The following EXTL3 variants were observed in gnomAD, a reference collection of about 807,000 sequenced individuals.
EXTL3 encodes exostosin like glycosyltransferase 3.
In EXTL3, 27 loss-of-function variants were observed where a neutral mutation model predicts 69.3. The observed-to-expected ratio is 0.39, with a 90% CI of 0.29 to 0.54. EXTL3 has a LOEUF of 0.54. EXTL3 is among the 20% of genes least tolerant of loss of function. EXTL3 has a pLI of 0.69. For synonymous variants in EXTL3, 511 were observed against 499.4 expected (o/e 1.02, Z -0.31); for missense variants, 1,003 against 1,231.8 (o/e 0.81, Z 2.78).
intron 1 of EXTL3, among the ~76,000 whole-genome samples, chr8:28,680,329 G>A (rs1807464610): frequency 1.4e-5 from 2 of 143,570 alleles, no homozygotes; most frequent in South Asian, 4.4e-4. Flanking sequence ...GGTGGAGGTT[G>A]CAGTGAGCCA....
chr8:28,736,005 G>A (rs1427627257), intron 4 of EXTL3, among the ~76,000 whole-genome samples: 1 of 152,196 alleles, frequency 6.6e-6, no homozygotes, highest in African/African-American at 2.4e-5. Flanking sequence ...GAAGGTGGGA[G>A]TGGGGATTAG....
intron 1 of EXTL3, among the ~76,000 whole-genome samples, chr8:28,636,951 T>C (rs2083082): frequency 0.41 from 59,345 of 145,216 alleles, 14,039 homozygotes; most frequent in African/African-American, 0.68. Flanking sequence ...CATTGCACTC[T>C]AGCCTGGGCA....
At position 28,728,582 on chromosome 8, in the gene EXTL3, A is replaced by C. The variant is rs187324148; in HGVS notation, c.2149-2641A>C. 1.4e-3 allele frequency among the ~76,000 whole-genome samples: 214 copies of C among 152,284 alleles called. 2 individuals are homozygous for C. Among genetic ancestry groups the C allele is most frequent in the African/African-American group, 5.0e-3 (209 of 41,544 alleles). ...AGGACCTCCTCTGGGGCTGAGGTGA[A>C]GTCTTAAAGAAAGCTCTGGCCAAGA... On this transcript the variant is annotated intron_variant, in intron 3 of 6. Coordinates refer to ENST00000220562, the MANE Select transcript of EXTL3 (RefSeq NM_001440.4).
chr8:28,668,026 A>G (rs1807223760), intron 1 of EXTL3, among the ~76,000 whole-genome samples: 1 of 151,832 alleles, frequency 6.6e-6, no homozygotes, highest in African/African-American at 2.4e-5. Context: ...ACTTTGGGGG[A>G]TTGAGGTGGG....
rs561019607 is a variant in EXTL3, at chr8:28,692,734, C to T, written c.-52-20723C>T. On this transcript the variant is annotated intron_variant, in intron 1 of 6. Coordinates refer to the EXTL3 transcript ENST00000523149. ...GTTTTCAGTTGGAACGCCTTGTTCACACAAGGCATTTTTAAATGAAAGTAG... is the reference window on the plus strand; with the variant it reads ...GTTTTCAGTTGGAACGCCTTGTTCATACAAGGCATTTTTAAATGAAAGTAG... 2.6e-5 allele frequency among the ~76,000 whole-genome samples: 4 copies of T among 152,292 alleles called. No homozygotes were observed. In the East Asian group the frequency reaches 7.7e-4, roughly 29 times the overall value.
In EXTL3 at chr8:28,623,880, G is replaced by T. The variant is rs58343005; in HGVS notation, c.-53+1070G>T. On this transcript the variant is annotated intron_variant, in intron 1 of 6. Coordinates refer to the EXTL3 transcript ENST00000523149. This position sits in a 1 kb window ranked among gnomAD's most constrained non-coding sequence, Gnocchi z 4.2. ...AGGCAGCAGATGGGAAATCAGGCAA[G>T]CTTGGTTTTAAAACGTTTCTGCCTC... Among the ~76,000 whole-genome samples, 2,200 of 152,264 alleles carry T rather than the reference G, an allele frequency of 0.014. 62 individuals are homozygous for T. The highest frequency in any genetic ancestry group is 0.05 in the African/African-American group (2,077 of 41,528).
At chr8:28,737,036 C>G (rs1010442862) in intron 4 of EXTL3, among the ~76,000 whole-genome samples, 8 of 152,170 alleles carry the variant, frequency 5.3e-5, no homozygotes, top group Non-Finnish European at 1.0e-4. Context: ...GTCTCCAGCT[C>G]CTTGCTTCAA....
At chr8:28,698,813 G>A (rs1308601385), upstream of EXTL3, among the ~76,000 whole-genome samples, 1 of 152,200 alleles carries the variant, frequency 6.6e-6, no homozygotes, top group Non-Finnish European at 1.5e-5. Context: ...GGCCAACATG[G>A]TGAAACCCTG....
At chr8:28,722,039 G>T (rs767066792) in intron 3 of EXTL3, among the ~76,000 whole-genome samples, 1 of 152,194 alleles carries the variant, frequency 6.6e-6, no homozygotes, top group Non-Finnish European at 1.5e-5. Context: ...TTGACGCAGG[G>T]TGCCTTGGAA....
At chr8:28,612,214 A>G (rs919142025) in intron 2 of EXTL3, among the ~76,000 whole-genome samples, 1 of 152,160 alleles carries the variant, frequency 6.6e-6, no homozygotes, top group African/African-American at 2.4e-5. Flanking sequence ...AGCACTTTGG[A>G]AGGCTGAGGC....
rs4538826 is a variant in EXTL3, at chr8:28,754,060, G to A, written c.*3194G>A. 1.2e-4 allele frequency: 19 copies of A among 152,580 alleles called. No homozygotes were observed. Among genetic ancestry groups the A allele is most frequent in the South Asian group, 1.0e-3 (5 of 4,818 alleles). The allele number at this position is 152,580 out of a possible 1,614,324, so 9.5% of individuals were successfully genotyped here. On this transcript the variant is annotated 3_prime_UTR_variant, in exon 7 of 7. Coordinates refer to ENST00000220562, the MANE Select transcript of EXTL3 (RefSeq NM_001440.4). ...TGTGTGTGTGTGTGTGTGTGTGTGT[G>A]TAGTGGTTGTGGGGAGCTGTGTGTG...
rs1351573975 is a variant in EXTL3, at chr8:28,750,774, A to G, written c.2668A>G (p.Met890Val). 1.8e-5 allele frequency: 29 copies of G among 1,614,192 alleles called. No homozygotes were observed. Among genetic ancestry groups the G allele is most frequent in the Non-Finnish European group, 2.4e-5 (28 of 1,180,020 alleles). Reference sequence around the variant, plus strand: ...CTTCTTCGTGAAGGTGTACGGCTACATGCCCCTCCTGTACACGCAGTTCAG... The same window carrying G: ...CTTCTTCGTGAAGGTGTACGGCTACGTGCCCCTCCTGTACACGCAGTTCAG... The part of the protein sequence containing the change: ...INFFVKVYGY[M>V]PLLYTQFRVD... The change falls in exon 7 of 7, where the codon ATG becomes GTG. Residue 890 changes from methionine (M) to valine (V), a missense_variant. This residue lies in a region of EXTL3 where 261 missense variants were observed against 416.4 expected (regional missense o/e 0.63). Transcript: ENST00000220562. This position sits in a 1 kb window ranked among gnomAD's most constrained non-coding sequence, Gnocchi z 5.2.
rs1413741037 is a variant in EXTL3 at position 28,623,870 on chromosome 8, A to C, written c.-53+1060A>C. Among the ~76,000 whole-genome samples, 1 of 152,222 alleles carries C rather than the reference A, an allele frequency of 6.6e-6. No individual in the cohort carries two copies. The highest frequency in any genetic ancestry group is 1.5e-5 in the Non-Finnish European group (1 of 68,038). On this transcript the variant is annotated intron_variant, in intron 1 of 6. Coordinates refer to the EXTL3 transcript ENST00000523149. The surrounding 1 kb of genome is among the most constrained non-coding windows in gnomAD (Gnocchi z 4.2). ...TGCTCGTAAAAGGCAGCAGATGGGA[A>C]ATCAGGCAAGCTTGGTTTTAAAACG...
chr8:28,687,659 G>A (rs891812950), intron 1 of EXTL3, among the ~76,000 whole-genome samples: 5 of 152,294 alleles, frequency 3.3e-5, no homozygotes, highest in African/African-American at 9.6e-5. Flanking sequence ...TTTGGCTGCT[G>A]AAGTCTTAGA....
intron 1 of EXTL3, among the ~76,000 whole-genome samples, chr8:28,627,488 C>CA (rs35382851): frequency 0.015 from 1,361 of 92,768 alleles, 14 homozygotes; most frequent in African/African-American, 0.05. Flanking sequence ...GACCCTGTCT[C>CA]AAAAAAAAAA....
At chr8:28,737,999 T>G (rs1041366612) in intron 5 of EXTL3, among the ~76,000 whole-genome samples, 2 of 152,172 alleles carry the variant, frequency 1.3e-5, no homozygotes, top group Non-Finnish European at 2.9e-5. Context: ...ACCCTAGATA[T>G]GGCCCAGCCA....
chr8:28,681,960 G>A (rs1351935085), intron 1 of EXTL3, among the ~76,000 whole-genome samples: 1 of 152,244 alleles, frequency 6.6e-6, no homozygotes, highest in Non-Finnish European at 1.5e-5. Context: ...TCGGGAGGCT[G>A]AGGCAGGAGA....
chr8:28,610,380 G>A (rs1350061222), intron 2 of EXTL3, among the ~76,000 whole-genome samples: 1 of 152,076 alleles, frequency 6.6e-6, no homozygotes, highest in Non-Finnish European at 1.5e-5. Context: ...CCAGTTCAGT[G>A]TCTTGCATGC....
In EXTL3 at chr8:28,753,069, G is replaced by A. The variant is rs1379025646; in HGVS notation, c.*2203G>A. On this transcript the variant is annotated 3_prime_UTR_variant, in exon 7 of 7. Transcript: ENST00000220562. ...TGGTCTGACACCAAAACATGCCGCA[G>A]GGAGGGCTGTGGTGCCGGTGCTTCC... 2.0e-5 allele frequency: 3 copies of A among 152,318 alleles called. No homozygotes were observed. The highest frequency in any genetic ancestry group is 2.0e-4 in the Admixed American group (3 of 15,276). The allele number at this position is 152,318 out of a possible 1,614,324, so 9.4% of individuals were successfully genotyped here. A position where few individuals can be genotyped will look rare whatever the true frequency, so the allele number is the denominator to read the frequency against.
Sources: gnomAD v4.1 joint callset for allele counts (sites outside exome capture counted in the v4.1 genomes callset) on GRCh38, gnomAD v4.1.1 for gene constraint, gnomAD v4.1.1 regional missense constraint, Gnocchi (gnomAD v3.1) non-coding constraint, MANE v1.5 for transcripts, NCBI Gene and HGNC (gene_info 2026-07-23, HGNC 2026-07-21) for gene names.